The following CADPS variants were observed in gnomAD, a reference collection of about 807,000 sequenced individuals.
CADPS encodes calcium-dependent secretion activator 1.
A neutral mutation model predicts 167.3 loss-of-function variants in CADPS; 57 were observed. That is an observed-to-expected ratio of 0.34 (90% CI 0.28 to 0.42). The LOEUF (loss-of-function observed/expected upper bound fraction) is 0.42, where lower values mean the gene tolerates loss of function less well. Among genes scored for constraint, CADPS ranks in the 20% least tolerant of loss-of-function variants. The probability of loss-of-function intolerance (pLI) is 1.00; values close to 1 mark genes in which losing one functional copy is unlikely to be tolerated. For missense variants in CADPS, 1,414 were observed against 1,738.1 expected, an observed-to-expected ratio of 0.81 and a Z score of 3.32; for synonymous variants, 676 against 635.3, an observed-to-expected ratio of 1.06 and a Z score of -0.96.
chr3:62,442,269 T>C (rs188624755), intron 27 of CADPS, among the ~76,000 whole-genome samples: 102 of 151,010 alleles, frequency 6.8e-4, no homozygotes, highest in Admixed American at 1.9e-3. Context: ...TGGAGTACAA[T>C]GGCACAATCT....
chr3:62,588,125 G>A (rs996693251), intron 7 of CADPS, among the ~76,000 whole-genome samples: 5 of 152,112 alleles, frequency 3.3e-5, no homozygotes, highest in Non-Finnish European at 7.4e-5. Flanking sequence ...GGGCACACAG[G>A]CAGGGCCTGC....
chr3:62,762,368 G>A (rs901515171), intron 2 of CADPS, among the ~76,000 whole-genome samples: 1 of 152,172 alleles, frequency 6.6e-6, no homozygotes, highest in African/African-American at 2.4e-5. Flanking sequence ...TAATGTATAT[G>A]GGAGAAGGCC....
chr3:62,816,612 C>A (rs189359963), intron 1 of CADPS, among the ~76,000 whole-genome samples: 326 of 151,750 alleles, frequency 2.1e-3, no homozygotes, highest in Middle Eastern at 6.8e-3. Flanking sequence ...GCAGCCATGG[C>A]TAAATGAAGC....
chr3:62,555,444 C>T (rs2077982427), intron 10 of CADPS, among the ~76,000 whole-genome samples: 1 of 152,236 alleles, frequency 6.6e-6, no homozygotes, highest in African/African-American at 2.4e-5. Flanking sequence ...TGCAGCTATG[C>T]TTTACTGCAA....
At chr3:62,418,390 T>C (rs1241358121) in intron 28 of CADPS, among the ~76,000 whole-genome samples, 2 of 144,488 alleles carry the variant, frequency 1.4e-5, no homozygotes, top group East Asian at 4.2e-4. Flanking sequence ...GCAGTGGCAA[T>C]CTCAGCTTAA....
intron 3 of CADPS, among the ~76,000 whole-genome samples, chr3:62,694,748 T>G (rs2151383024): frequency 6.6e-6 from 1 of 152,140 alleles, no homozygotes; most frequent in South Asian, 2.1e-4. Flanking sequence ...TAACAGGTCC[T>G]TACCCATACC....
chr3:62,520,871 A>G (rs2070371940), intron 13 of CADPS, among the ~76,000 whole-genome samples: 1 of 152,212 alleles, frequency 6.6e-6, no homozygotes, highest in Non-Finnish European at 1.5e-5. Context: ...GTTTTCGAAA[A>G]TTCTGTCAAA....
chr3:62,642,523 G>C (rs1378336405), intron 6 of CADPS, among the ~76,000 whole-genome samples: 1 of 152,186 alleles, frequency 6.6e-6, no homozygotes, highest in African/African-American at 2.4e-5. Flanking sequence ...TCAAAGAAAA[G>C]AGATGATGAA....
rs572367949 is a variant in CADPS at position 62,718,344 on chromosome 3, A to G, written c.888+35097T>C. Among the ~76,000 whole-genome samples the G allele has an allele frequency of 1.2e-4, 19 of 152,356 alleles. No homozygotes were observed. The South Asian group carries it at 2.5e-3, about 20-fold the overall frequency. ...TACTCATGTAAATGTTTGAGAGACC[A>G]CTATGAACCAGGAACTTTCTTCTGA... On this transcript the variant is annotated intron_variant, in intron 3 of 29. Coordinates refer to ENST00000383710, the MANE Select transcript of CADPS (RefSeq NM_003716.4).
intron 1 of CADPS, among the ~76,000 whole-genome samples, chr3:62,854,595 G>A (rs1368961589): frequency 6.6e-6 from 1 of 152,178 alleles, no homozygotes; most frequent in Admixed American, 6.5e-5. Flanking sequence ...ATGTGGGTGA[G>A]AACTATCACT....
rs1010534316 is a variant in CADPS at position 62,753,565 on chromosome 3, T to G, written c.764A>C (p.Gln255Pro). ...YRGEEDPRKQ[Q>P]ARMTASAASE... ...GGCTGCGCTGGCTGTCATCCGGGCC[T>G]GCTGCTTCCGCGGGTCCTCTTCTCC... Residue 255 changes from glutamine (Q) to proline (P), a missense_variant, in exon 3 of 30, where the codon CAG becomes CCG. By Grantham distance (76) the Gln-to-Pro change is moderately conservative (BLOSUM62 -1). This residue lies in a region of CADPS where 522 missense variants were observed against 559.5 expected (regional missense o/e 0.93). Transcript: ENST00000383710. The surrounding 1 kb of genome is among the most constrained non-coding windows in gnomAD (Gnocchi z 4.6). 1.2e-6 allele frequency: 2 copies of G among 1,614,172 alleles called. No homozygotes were observed. The highest frequency in any genetic ancestry group is 1.7e-6 in the Non-Finnish European group (2 of 1,180,034).
At chr3:62,408,376 T>C (rs1469665760) in intron 28 of CADPS, among the ~76,000 whole-genome samples, 1 of 152,250 alleles carries the variant, frequency 6.6e-6, no homozygotes, top group African/African-American at 2.4e-5. Context: ...TCTTGGTTAC[T>C]ATATTTTTTG....
intron 13 of CADPS, among the ~76,000 whole-genome samples, chr3:62,522,136 T>TCTAG (rs2070792023): frequency 6.6e-6 from 1 of 151,400 alleles, no homozygotes; most frequent in Non-Finnish European, 1.5e-5. Flanking sequence ...TATCTATCTA[T>TCTAG]CTATCTATCT....
At chr3:62,717,808 T>C (rs2084969398) in intron 3 of CADPS, among the ~76,000 whole-genome samples, 1 of 152,160 alleles carries the variant, frequency 6.6e-6, no homozygotes, top group African/African-American at 2.4e-5. Flanking sequence ...TCCTGTTGCA[T>C]CCAAACTCAC....
At chr3:62,737,232 T>A (rs2152253274) in intron 3 of CADPS, among the ~76,000 whole-genome samples, 1 of 152,120 alleles carries the variant, frequency 6.6e-6, no homozygotes, top group East Asian at 1.9e-4. Flanking sequence ...GAAGATCACT[T>A]GAGGCCAGGA....
At chr3:62,558,240 T>G (rs1171668882) in intron 9 of CADPS, among the ~76,000 whole-genome samples, 2 of 152,198 alleles carry the variant, frequency 1.3e-5, no homozygotes, top group Non-Finnish European at 2.9e-5. Context: ...GCGTGGCTGT[T>G]GTCACTTGTG....
intron 3 of CADPS, among the ~76,000 whole-genome samples, chr3:62,672,653 T>G (rs2075732707): frequency 6.6e-6 from 1 of 152,174 alleles, no homozygotes; most frequent in African/African-American, 2.4e-5. Context: ...AGACAGGGTC[T>G]TTCTTTGTTG....
At chr3:62,625,430 C>T (rs1278456459) in intron 6 of CADPS, 1 of 149,858 alleles carries the variant, frequency 6.7e-6, no homozygotes, top group East Asian at 1.9e-4. Context: ...CACACATGTT[C>T]ACATGAATGG....
At chr3:62,552,055 G>A (rs932401613) in intron 10 of CADPS, among the ~76,000 whole-genome samples, 2 of 151,924 alleles carry the variant, frequency 1.3e-5, no homozygotes, top group Non-Finnish European at 2.9e-5. Context: ...GGCACATAGT[G>A]GGTGCACAAA....
Sources: gnomAD v4.1 joint callset for allele counts (sites outside exome capture counted in the v4.1 genomes callset) on GRCh38, gnomAD v4.1.1 for gene constraint, gnomAD v4.1.1 regional missense constraint, Gnocchi (gnomAD v3.1) non-coding constraint, MANE v1.5 for transcripts, NCBI Gene and HGNC (gene_info 2026-07-23, HGNC 2026-07-21) for gene names.